MTHFD1L: variants seen among roughly 807,000 people sequenced by gnomAD.
MTHFD1L encodes the protein methylenetetrahydrofolate dehydrogenase (NADP+ dependent) 1 like.
MTHFD1L carries 81 observed loss-of-function variants against 119.5 expected under a neutral mutation model. The ratio of observed to expected loss-of-function variants is 0.68; its 90% CI spans 0.57 to 0.82. The LOEUF is 0.82. Among genes scored for constraint, MTHFD1L ranks in the 40% least tolerant of loss-of-function variants. MTHFD1L has a pLI of 0.00. For missense variants in MTHFD1L, 1,125 were observed against 1,253.4 expected (o/e 0.90, Z 1.55); for synonymous variants, 430 against 475.2 (o/e 0.90, Z 1.24).
chr6:151,013,374 C>A lies in MTHFD1L; in HGVS notation c.2266-405C>A, dbSNP rs575963232. On this transcript the variant is annotated intron_variant, in intron 21 of 27. Coordinates refer to ENST00000367321, the MANE Select transcript of MTHFD1L (RefSeq NM_015440.5). ...CAGCCTGGACAACAGAACTTTATGG[C>A]AATTACCGTAAAATGATTTCGAATG... 3.3e-5 allele frequency among the ~76,000 whole-genome samples: 5 copies of A among 152,202 alleles called. No individual in the cohort carries two copies. In the South Asian group the frequency reaches 8.3e-4, roughly 25 times the overall value.
chr6:150,978,460 C>G (rs1776957608), intron 20 of MTHFD1L, among the ~76,000 whole-genome samples: 1 of 152,148 alleles, frequency 6.6e-6, no homozygotes, highest in Non-Finnish European at 1.5e-5. Flanking sequence ...CCAGGTGCTT[C>G]CTGGGTACAT....
chr6:150,906,836 T>C (rs922744139), intron 8 of MTHFD1L, among the ~76,000 whole-genome samples: 13 of 152,056 alleles, frequency 8.5e-5, no homozygotes, highest in Non-Finnish European at 1.8e-4. Context: ...CCTGCCAGAA[T>C]TGACCGATCA....
At chr6:151,075,422 G>T (rs1331327660) in intron 26 of MTHFD1L, among the ~76,000 whole-genome samples, 2 of 151,984 alleles carry the variant, frequency 1.3e-5, no homozygotes, top group Non-Finnish European at 2.9e-5. Context: ...TATGACAAAG[G>T]GGCCGTTTCA....
At chr6:151,056,816 G>T (rs1233265811) in intron 26 of MTHFD1L, among the ~76,000 whole-genome samples, 1 of 152,150 alleles carries the variant, frequency 6.6e-6, no homozygotes, top group Non-Finnish European at 1.5e-5. Context: ...TCCCCACAAG[G>T]TGTTCTGACC....
chr6:150,934,689 G>A (rs1323460377), intron 11 of MTHFD1L, among the ~76,000 whole-genome samples: 1 of 152,144 alleles, frequency 6.6e-6, no homozygotes. Context: ...CTATTAGATT[G>A]GTTGTGGTTG....
At chr6:150,987,001 T>G (rs1778401345) in intron 20 of MTHFD1L, among the ~76,000 whole-genome samples, 1 of 152,098 alleles carries the variant, frequency 6.6e-6, no homozygotes, top group African/African-American at 2.4e-5. Flanking sequence ...CGCGCCTGGC[T>G]GGGGACCTCT....
At position 151,035,976 on chromosome 6, in the gene MTHFD1L, T is replaced by C. The variant is rs141636084; in HGVS notation, c.2695-989T>C. 4.9e-3 allele frequency among the ~76,000 whole-genome samples: 747 copies of C among 152,190 alleles called. 12 individuals carry two copies. Among genetic ancestry groups the C allele is most frequent in the African/African-American group, 0.016 (680 of 41,526 alleles). ...CAAAATTCTTATCGGTATAGAAGAG[T>C]GGAGATTTCAAAAAGAAAATGGCCC... On this transcript the variant is annotated intron_variant, in intron 25 of 27. Transcript: ENST00000367321.
rs77026649 is a variant in MTHFD1L, at chr6:151,027,560, A to C, written c.2587-6933A>C. Among the ~76,000 whole-genome samples, 165 of 152,274 alleles carry C rather than the reference A, an allele frequency of 1.1e-3. No homozygotes were observed. The East Asian group carries it at 0.016, about 15-fold the overall frequency. On this transcript the variant is annotated intron_variant, in intron 24 of 27. Coordinates refer to ENST00000367321, the MANE Select transcript of MTHFD1L (RefSeq NM_015440.5). ...ATTGGCCATTTTATTTGTTTATAAA[A>C]GCTATCATTTACTACAGAGAAGTAC...
intron 9 of MTHFD1L, 130 bp downstream of exon 9, chr6:150,918,798 GA>G (rs1242051104): frequency 7.2e-6 from 5 of 696,014 alleles, no homozygotes; most frequent in Non-Finnish European, 1.2e-5. Flanking sequence ...AGGCCCATTT[GA>G]TAAGTGAAGA....
intron 24 of MTHFD1L, among the ~76,000 whole-genome samples, chr6:151,030,598 ATAGGCTGCT>A (rs1267954355): frequency 2.0e-5 from 3 of 152,234 alleles, no homozygotes; most frequent in African/African-American, 7.2e-5. Context: ...GCCCAGCAAC[ATAGGCTGCT>A]CATGATCTAA....
At chr6:151,090,956 TGGGTGCAGCATCGCC>T (rs1343886114) in intron 26 of MTHFD1L, among the ~76,000 whole-genome samples, 1 of 135,726 alleles carries the variant, frequency 7.4e-6, no homozygotes. Context: ...TCCATGCGAC[TGGGTGCAGCATCGCC>T]CCATGCGACT....
At chr6:150,983,596 C>T (rs886727375) in intron 20 of MTHFD1L, among the ~76,000 whole-genome samples, 2 of 152,162 alleles carry the variant, frequency 1.3e-5, no homozygotes, top group African/African-American at 4.8e-5. Context: ...TCTTCTTTAC[C>T]TGCTCCTTCT....
chr6:151,101,246 G>A (rs1384546924), intron 27 of MTHFD1L, among the ~76,000 whole-genome samples: 2 of 152,126 alleles, frequency 1.3e-5, no homozygotes, highest in African/African-American at 2.4e-5. Context: ...TGGAAGTTCT[G>A]GGAATTCTGC....
At chr6:151,010,419 A>G (rs1782056473) in intron 21 of MTHFD1L, among the ~76,000 whole-genome samples, 1 of 152,180 alleles carries the variant, frequency 6.6e-6, no homozygotes, top group Non-Finnish European at 1.5e-5. Flanking sequence ...TTTTCGGTTC[A>G]CTGATGCTGC....
chr6:150,877,522 C>T lies in MTHFD1L; in HGVS notation c.313-112C>T. 8 of 1,196,994 alleles carry T rather than the reference C, an allele frequency of 6.7e-6. No individual in the cohort carries two copies. The South Asian group carries it at 1.1e-4, about 16-fold the overall frequency. The allele number at this position is 1,196,994 out of a possible 1,614,324, so 74.1% of individuals were successfully genotyped here. A position where few individuals can be genotyped will look rare whatever the true frequency, so the allele number is the denominator to read the frequency against. On this transcript the variant is annotated intron_variant, in intron 2 of 27. Coordinates refer to ENST00000367321, the MANE Select transcript of MTHFD1L (RefSeq NM_015440.5). Reference sequence around the variant, plus strand: ...CAGCAAGATTGTTTTTCTGCACCTTCCATATTATCTTTGTAATTAGATCAT... The same window carrying T: ...CAGCAAGATTGTTTTTCTGCACCTTTCATATTATCTTTGTAATTAGATCAT...
In MTHFD1L at chr6:150,865,751, T is replaced by G. The variant is rs1330444228; in HGVS notation, c.-72T>G. The G allele has an allele frequency of 1.6e-5, 18 of 1,131,064 alleles. No homozygotes were observed. The highest frequency in any genetic ancestry group is 1.9e-5 in the Non-Finnish European group (17 of 913,988). 70.1% of individuals were successfully genotyped at this position (1,131,064 alleles called of 1,614,324 possible). A position where few individuals can be genotyped will look rare whatever the true frequency, so the allele number is the denominator to read the frequency against. On this transcript the variant is annotated 5_prime_UTR_variant, in exon 1 of 28. Coordinates refer to ENST00000367321, the MANE Select transcript of MTHFD1L (RefSeq NM_015440.5). ...CGCCGCCGCCGCCGCCGCCGCCTGC[T>G]CCCCTGGCACGCGCCCCGCCGCCCT...
chr6:150,966,265 T>C lies in MTHFD1L; in HGVS notation c.2013+1228T>C, dbSNP rs187270526. On this transcript the variant is annotated intron_variant, in intron 19 of 27. Transcript: ENST00000367321. ...GGCTGGGGAGGCCTCAGGAAACTTATCATGGTGGAAGGCGAAGGGGAAGCA... is the reference window on the plus strand; with the variant it reads ...GGCTGGGGAGGCCTCAGGAAACTTACCATGGTGGAAGGCGAAGGGGAAGCA... 1.4e-3 allele frequency among the ~76,000 whole-genome samples: 212 copies of C among 152,198 alleles called. 2 individuals carry two copies. The highest frequency in any genetic ancestry group is 4.8e-3 in the African/African-American group (199 of 41,520).
At chr6:151,073,477 A>G (rs1484912123) in intron 26 of MTHFD1L, among the ~76,000 whole-genome samples, 36 of 152,318 alleles carry the variant, frequency 2.4e-4, no homozygotes, top group Non-Finnish European at 3.5e-4. Context: ...GATCTAGGAA[A>G]ATACCACCTA....
chr6:150,903,320 G>A (rs574938700), intron 7 of MTHFD1L, among the ~76,000 whole-genome samples: 1 of 144,828 alleles, frequency 6.9e-6, no homozygotes, highest in East Asian at 2.1e-4. Context: ...CCAGGTTCAA[G>A]TGATTCTCAT....
Sources: allele counts gnomAD v4.1 joint callset (sites outside exome capture counted in the v4.1 genomes callset), GRCh38; gene constraint gnomAD v4.1.1; transcripts MANE v1.5; gene names NCBI Gene and HGNC (gene_info 2026-07-23, HGNC 2026-07-21).